Variants in ATP13A1 observed in about 807,000 individuals in gnomAD.
ATP13A1 encodes ATPase 13A1.
Under a neutral mutation model 134.8 loss-of-function variants are expected in ATP13A1, and 55 were observed. The ratio of observed to expected loss-of-function variants is 0.41; its 90% CI spans 0.33 to 0.51. The LOEUF is 0.51. Among genes scored for constraint, ATP13A1 ranks in the 20% least tolerant of loss-of-function variants. ATP13A1 has a pLI of 0.29. For synonymous variants in ATP13A1, 775 were observed against 725.1 expected (o/e 1.07, Z -1.10); for missense variants, 1,389 against 1,652.8 (o/e 0.84, Z 2.77).
intron 13 of ATP13A1, 84 bp from the exon 14 acceptor site, chr19:19,654,228 C>G: frequency 7.3e-7 from 1 of 1,370,658 alleles, no homozygotes; most frequent in Admixed American, 2.2e-5. Flanking sequence ...GCCTCCCCCA[C>G]CTCCCTCCTG....
At position 19,652,596 on chromosome 19, in the gene ATP13A1, C is replaced by T. The variant is rs770595625; in HGVS notation, c.2225G>A (p.Arg742Gln). ...VIREIQNASHRVVMITGDNPL... is the reference protein window; with the variant it reads ...VIREIQNASHQVVMITGDNPL... ...GTGGAGCCGAGCACCGTCCCATACC[C>T]GGTGGGACGCATTCTGGATCTCCCG... Residue 742 changes from arginine to glutamine, a missense_variant and splice_region_variant, in exon 16 of 26, where the codon CGG becomes CAG. Arg to Gln is a conservative substitution (Grantham distance 43). This residue lies in a region of ATP13A1 where 747 missense variants were observed against 956.1 expected (regional missense o/e 0.78). Transcript: ENST00000357324. The T allele has an allele frequency of 8.1e-6, 13 of 1,607,404 alleles. No individual in the cohort carries two copies. Among genetic ancestry groups the T allele is most frequent in the South Asian group, 3.3e-5 (3 of 89,766 alleles).
At position 19,652,676 on chromosome 19, in the gene ATP13A1, G is replaced by A. The variant is rs375308930; in HGVS notation, c.2145C>T (p.Phe715=). The change falls in exon 16 of 26, where the codon TTC becomes TTT. Residue 715 remains phenylalanine, a synonymous_variant. Transcript: ENST00000357324. The stretch of plus-strand genomic sequence containing the variant: ...GGCAGGAGACCACAATGAAGCCGAC[G>A]AACTTGAGGCTGCACTCCAGGGCCT... ...KREALECSLK[F]VGFIVVSCPL... is the part of the protein sequence containing the mutation. The A allele has an allele frequency of 1.1e-5, 18 of 1,608,526 alleles. No homozygotes were observed. The highest frequency in any genetic ancestry group is 1.6e-4 in the Middle Eastern group (1 of 6,062).
In ATP13A1 at chr19:19,656,166, G is replaced by A; in HGVS notation, c.1101C>T (p.Leu367=). The A allele has an allele frequency of 6.2e-7, 1 of 1,610,846 alleles. No individual in the cohort carries two copies. Among genetic ancestry groups the A allele is most frequent in the Non-Finnish European group, 8.5e-7 (1 of 1,178,006 alleles). ...GGAGGTCCAGCACCCGGTCTGGGCTGAGGTCTTCGATGGGCTCCTGGGGAG... is the reference window on the plus strand; with the variant it reads ...GGAGGTCCAGCACCCGGTCTGGGCTAAGGTCTTCGATGGGCTCCTGGGGAG... The part of the protein sequence containing the change: ...VPQMKEPIED[L]SPDRVLDLQA... The change falls in exon 8 of 26, where the codon CTC becomes CTT. Residue 367 remains leucine (L), a synonymous_variant. Coordinates refer to ENST00000357324, the MANE Select transcript of ATP13A1 (RefSeq NM_020410.3). The surrounding 1 kb of genome is among the most constrained non-coding windows in gnomAD (Gnocchi z 4.6).
rs567165496 is a variant in ATP13A1 at position 19,663,230 on chromosome 19, C to G, written c.396+41G>C. 9.0e-6 allele frequency: 14 copies of G among 1,557,170 alleles called. No individual in the cohort carries two copies. The Admixed American group carries it at 2.5e-4, about 28-fold the overall frequency. On this transcript the variant is annotated intron_variant, in intron 1 of 25. Coordinates refer to ENST00000357324, the MANE Select transcript of ATP13A1 (RefSeq NM_020410.3). Reference sequence around the variant, plus strand: ...GCCGCAGCTGGGACCCACGGCGAGGCTCGACCGTGCTGGGGGTCGGGCTCG... The same window carrying G: ...GCCGCAGCTGGGACCCACGGCGAGGGTCGACCGTGCTGGGGGTCGGGCTCG...
intron 1 of ATP13A1, among the ~76,000 whole-genome samples, chr19:19,661,420 C>T (rs2062093844): frequency 6.6e-6 from 1 of 152,216 alleles, no homozygotes; most frequent in Non-Finnish European, 1.5e-5. Context: ...GTTTTCTCTG[C>T]CCGGAATACA....
rs770383402 is a variant in ATP13A1 at position 19,647,453 on chromosome 19, C to T, written c.2869G>A (p.Ala957Thr). The part of the protein sequence containing the change: ...PIVKLGDASI[A>T]APFTSKLSSI... Reference sequence around the variant, plus strand: ...GAGAGCTTGGAGGTGAAGGGTGCTGCGATGCTGGCATCCCCCAGTTTCACA... The same window carrying T: ...GAGAGCTTGGAGGTGAAGGGTGCTGTGATGCTGGCATCCCCCAGTTTCACA... Residue 957 changes from alanine (A) to threonine (T), a missense_variant, in exon 21 of 26, where the codon GCA (alanine) becomes ACA (threonine). Transcript: ENST00000357324. The surrounding 1 kb of genome is among the most constrained non-coding windows in gnomAD (Gnocchi z 4.8). 5 of 1,613,438 alleles carry T rather than the reference C, an allele frequency of 3.1e-6. No individual in the cohort carries two copies. The highest frequency in any genetic ancestry group is 4.2e-6 in the Non-Finnish European group (5 of 1,179,680).
Position 19,653,441 on chromosome 19 carries a change from G to C in ATP13A1, c.2100+343C>G. ...GAAGCCAAGCGGCAGATGTGCCGGT[G>C]GTGGAGGCGGAGGGTGGGCTTTGTG... On this transcript the variant is annotated intron_variant, in intron 15 of 25. Coordinates refer to ENST00000357324, the MANE Select transcript of ATP13A1 (RefSeq NM_020410.3). The surrounding 1 kb of genome is among the most constrained non-coding windows in gnomAD (Gnocchi z 4.2). 2.9e-6 allele frequency: 1 copy of C among 349,780 alleles called. No individual in the cohort carries two copies. The allele number at this position is 349,780 out of a possible 1,614,324, so 21.7% of individuals were successfully genotyped here. A position where few individuals can be genotyped will look rare whatever the true frequency, so the allele number is the denominator to read the frequency against.
Position 19,647,620 on chromosome 19 carries a change from C to A in ATP13A1, c.2772G>T (p.Glu924Asp). Residue 924 changes from glutamate to aspartate, a missense_variant, in exon 20 of 26, where the codon GAG (glutamate) becomes GAT (aspartate). Transcript: ENST00000357324. The surrounding 1 kb of genome is among the most constrained non-coding windows in gnomAD (Gnocchi z 4.8). ...AKQRSGLPPS[E>D]EQPTSQRDRL... ...TCACCCTCTGGGAGGTTGGCTGCTC[C>A]TCGGAGGGAGGGAGCCCCGACCGCT... 6.2e-7 allele frequency: 1 copy of A among 1,613,480 alleles called. No homozygotes were observed. The highest frequency in any genetic ancestry group is 8.5e-7 in the Non-Finnish European group (1 of 1,179,840).
At chr19:19,648,433 T>A (rs1443191084) in intron 19 of ATP13A1, among the ~76,000 whole-genome samples, 3 of 150,586 alleles carry the variant, frequency 2.0e-5, no homozygotes, top group Non-Finnish European at 4.4e-5. Flanking sequence ...CAGATAAATA[T>A]TGGAAAAGCA....
chr19:19,658,149 CAAAAAAAA>C (rs61328844), intron 3 of ATP13A1, among the ~76,000 whole-genome samples: 2 of 66,298 alleles, frequency 3.0e-5, no homozygotes, highest in African/African-American at 1.2e-4. Flanking sequence ...ACCCTGTCTC[CAAAAAAAA>C]AAAAAAAAAA....
At chr19:19,657,923 A>G (rs1340240535) in intron 3 of ATP13A1, among the ~76,000 whole-genome samples, 1 of 152,072 alleles carries the variant, frequency 6.6e-6, no homozygotes, top group Admixed American at 6.6e-5. Flanking sequence ...CCGAGGCAGG[A>G]GGAGTGCTTG....
intron 1 of ATP13A1, among the ~76,000 whole-genome samples, chr19:19,661,595 C>T (rs1460951093): frequency 1.3e-5 from 2 of 152,180 alleles, no homozygotes; most frequent in Non-Finnish European, 2.9e-5. Flanking sequence ...GTTCTCCCTC[C>T]CAGTAACACC....
rs1402202329 is a variant in ATP13A1, at chr19:19,652,666, T to C, written c.2155A>G (p.Ile719Val). The change falls in exon 16 of 26, where the codon ATT (isoleucine) becomes GTT (valine). Residue 719 changes from isoleucine (I) to valine (V), a missense_variant. Ile to Val is a conservative substitution (Grantham distance 29). Coordinates refer to ENST00000357324, the MANE Select transcript of ATP13A1 (RefSeq NM_020410.3). ...GCCTTGAGCGGGCAGGAGACCACAATGAAGCCGACGAACTTGAGGCTGCAC... is the reference window on the plus strand; with the variant it reads ...GCCTTGAGCGGGCAGGAGACCACAACGAAGCCGACGAACTTGAGGCTGCAC... ...LECSLKFVGF[I>V]VVSCPLKADS... is the part of the protein sequence containing the mutation. 6.2e-7 allele frequency: 1 copy of C among 1,608,940 alleles called. No individual in the cohort carries two copies. Among genetic ancestry groups the C allele is most frequent in the Non-Finnish European group, 8.5e-7 (1 of 1,178,102 alleles).
At chr19:19,651,844 G>C (rs746604122) in intron 16 of ATP13A1, 47 bp from the exon 17 acceptor site, 3 of 1,466,052 alleles carry the variant, frequency 2.0e-6, no homozygotes, top group Non-Finnish European at 9.5e-7. Flanking sequence ...CTGGGGCCAA[G>C]CTCTAGGCCA....
intron 3 of ATP13A1, among the ~76,000 whole-genome samples, chr19:19,658,489 T>C (rs1469323455): frequency 6.6e-6 from 1 of 152,178 alleles, no homozygotes; most frequent in Admixed American, 6.5e-5. Flanking sequence ...GCTAAATGTT[T>C]CTTATAAATC....
At position 19,653,955 on chromosome 19, in the gene ATP13A1, T is replaced by A; in HGVS notation, c.1989+14A>T. The A allele has an allele frequency of 6.3e-7, 1 of 1,586,784 alleles. No individual in the cohort carries two copies. Among genetic ancestry groups the A allele is most frequent in the Non-Finnish European group, 8.6e-7 (1 of 1,167,266 alleles). ...CGCGCCCCCACCCCTTGCCCCAGGC[T>A]GGGGCCAGCTCACCATGGAGTGCAG... On this transcript the variant is annotated intron_variant, in intron 14 of 25. Transcript: ENST00000357324. The surrounding 1 kb of genome is among the most constrained non-coding windows in gnomAD (Gnocchi z 4.2).
At chr19:19,658,389 T>A (rs1343186847) in intron 3 of ATP13A1, among the ~76,000 whole-genome samples, 1 of 152,164 alleles carries the variant, frequency 6.6e-6, no homozygotes, top group Non-Finnish European at 1.5e-5. Context: ...TCTTGCTGGG[T>A]ACCTTTGCGT....
chr19:19,646,455 G>T, intron 22 of ATP13A1, 108 bp from the exon 23 acceptor site: 1 of 1,282,986 alleles, frequency 7.8e-7, no homozygotes, highest in Non-Finnish European at 1.1e-6. Context: ...CTTGTGTACA[G>T]CCACCACCAA....
At chr19:19,649,989 C>T (rs372031994) in intron 17 of ATP13A1, 49 bp from the exon 18 acceptor site, 6 of 1,493,138 alleles carry the variant, frequency 4.0e-6, no homozygotes, top group Admixed American at 2.0e-5. Flanking sequence ...TGACCGGGCT[C>T]AGAAGCACCC....
Sources: gnomAD v4.1 joint callset for allele counts (sites outside exome capture counted in the v4.1 genomes callset) on GRCh38, gnomAD v4.1.1 for gene constraint, gnomAD v4.1.1 regional missense constraint, Gnocchi (gnomAD v3.1) non-coding constraint, MANE v1.5 for transcripts, NCBI Gene and HGNC (gene_info 2026-07-23, HGNC 2026-07-21) for gene names.